Variants in TNIP1 observed in about 807,000 individuals in gnomAD.
TNIP1 encodes the protein TNFAIP3 interacting protein 1, also known as TNFAIP3-interacting protein 1.
A neutral mutation model predicts 86.6 loss-of-function variants in TNIP1; 22 were observed. The ratio of observed to expected loss-of-function variants is 0.25; its 90% CI spans 0.18 to 0.36. The LOEUF (loss-of-function observed/expected upper bound fraction) is 0.36, where lower values mean the gene tolerates loss of function less well. TNIP1 is among the 10% of genes least tolerant of loss of function. TNIP1 has a pLI of 1.00. For missense variants in TNIP1, 709 were observed against 820.6 expected (o/e 0.86, Z 1.66); for synonymous variants, 294 against 313.0 (o/e 0.94, Z 0.64).
At chr5:151,065,724 A>T (rs1278776437) in intron 1 of TNIP1, among the ~76,000 whole-genome samples, 1 of 152,188 alleles carries the variant, frequency 6.6e-6, no homozygotes, top group Non-Finnish European at 1.5e-5. Context: ...AGTTCCATTT[A>T]TATGTGTATC....
chr5:151,054,413 G>A (rs1404578472), intron 6 of TNIP1, among the ~76,000 whole-genome samples: 3 of 152,196 alleles, frequency 2.0e-5, no homozygotes, highest in Non-Finnish European at 2.9e-5. Context: ...GGGCATGGTG[G>A]CTCACACCAG....
intron 4 of TNIP1, among the ~76,000 whole-genome samples, chr5:151,061,261 G>A (rs973353786): frequency 6.6e-6 from 1 of 152,046 alleles, no homozygotes; most frequent in Non-Finnish European, 1.5e-5. Flanking sequence ...AGAGGAGTCA[G>A]TGCTCAGCTT....
At chr5:151,044,216 A>AT (rs916966974) in intron 9 of TNIP1, among the ~76,000 whole-genome samples, 1 of 151,922 alleles carries the variant, frequency 6.6e-6, no homozygotes, top group African/African-American at 2.4e-5. Context: ...CAGCTAATTT[A>AT]TTTTTTGTAG....
chr5:151,031,959 C>G, intron 17 of TNIP1: 1 of 223,554 alleles, frequency 4.5e-6, no homozygotes, highest in Non-Finnish European at 8.7e-6. Context: ...TTGAGTGCAG[C>G]CTGTTTGTGT....
intron 11 of TNIP1, among the ~76,000 whole-genome samples, chr5:151,040,593 C>A (rs1758295440): frequency 1.3e-5 from 2 of 152,182 alleles, no homozygotes; most frequent in Admixed American, 6.5e-5. Flanking sequence ...TCACCTACCA[C>A]TGTGAGCAAG....
intron 4 of TNIP1, 64 bp downstream of exon 4, chr5:151,062,063 A>G: frequency 1.4e-6 from 2 of 1,419,178 alleles, no homozygotes; most frequent in Non-Finnish European, 2.0e-6. Flanking sequence ...ATGTTCTTGT[A>G]TCTGTCAGTA....
chr5:151,067,764 A>G (rs1762401349), intron 1 of TNIP1, among the ~76,000 whole-genome samples: 1 of 152,198 alleles, frequency 6.6e-6, no homozygotes, highest in Admixed American at 6.5e-5. Flanking sequence ...TGAAGGGAAC[A>G]AGCCCTTGAC....
intron 1 of TNIP1, chr5:151,080,497 CAT>C (rs1181393439): frequency 6.6e-6 from 1 of 151,660 alleles, no homozygotes; most frequent in Non-Finnish European, 1.5e-5. Flanking sequence ...CTCCTCGTGA[CAT>C]ATGTACACTG....
intron 8 of TNIP1, among the ~76,000 whole-genome samples, chr5:151,048,354 T>C (rs1759455831): frequency 6.6e-6 from 1 of 152,136 alleles, no homozygotes; most frequent in Non-Finnish European, 1.5e-5. Flanking sequence ...TTACAAGCAT[T>C]GCATCACTGA....
At chr5:151,058,455 T>C (rs1002254130) in intron 5 of TNIP1, among the ~76,000 whole-genome samples, 3 of 152,254 alleles carry the variant, frequency 2.0e-5, no homozygotes, top group Non-Finnish European at 4.4e-5. Context: ...CCCAAGGACC[T>C]GCAGTGTTAC....
chr5:151,032,174 C>G, intron 17 of TNIP1, 113 bp downstream of exon 17: 1 of 876,590 alleles, frequency 1.1e-6, no homozygotes, highest in East Asian at 2.6e-5. Flanking sequence ...AAAGCTGGGC[C>G]TCTCCTCCAC....
At chr5:151,071,205 C>G (rs1209705559) in intron 1 of TNIP1, among the ~76,000 whole-genome samples, 2 of 152,158 alleles carry the variant, frequency 1.3e-5, no homozygotes, top group East Asian at 3.8e-4. Flanking sequence ...ATACTTGAGA[C>G]AGTGTGTATT....
Position 151,039,152 on chromosome 5 carries a change from C to T in TNIP1, c.1208G>A (p.Ser403Asn). Residue 403 changes from serine to asparagine, a missense_variant, in exon 12 of 18, where the codon AGC becomes AAC. Physicochemically the swap from Ser to Asn is conservative, Grantham distance 46. Transcript: ENST00000521591. ...QKVKYLQDQL[S>N]PLTRQREYQE... ...GTACTCACGCTGTCGGGTGAGTGGG[C>T]TCAGCTGATCCTGCAGGTACTTGAC... is the stretch of plus-strand genomic sequence containing the variant. 1 of 1,614,058 alleles carries T rather than the reference C, an allele frequency of 6.2e-7. No homozygotes were observed. The highest frequency in any genetic ancestry group is 8.5e-7 in the Non-Finnish European group (1 of 1,180,000).
intron 7 of TNIP1, 82 bp from the exon 8 acceptor site, chr5:151,050,029 A>G (rs1581796433): frequency 6.3e-7 from 1 of 1,589,682 alleles, no homozygotes; most frequent in Non-Finnish European, 8.6e-7. Context: ...TCACTATCGC[A>G]TGAGTTGCAG....
intron 4 of TNIP1, among the ~76,000 whole-genome samples, chr5:151,060,936 C>T (rs1207087191): frequency 6.6e-6 from 1 of 152,230 alleles, no homozygotes; most frequent in Non-Finnish European, 1.5e-5. Flanking sequence ...ACGGCCACCA[C>T]CAAGCATGTC....
At chr5:151,032,495 A>AT (rs1160683334) in intron 16 of TNIP1, 112 bp from the exon 17 acceptor site, 1 of 1,107,402 alleles carries the variant, frequency 9.0e-7, no homozygotes, top group African/African-American at 1.6e-5. Flanking sequence ...TTGAATCTTT[A>AT]TAACAACCCA....
intron 7 of TNIP1, among the ~76,000 whole-genome samples, chr5:151,051,114 C>T (rs1301511479): frequency 6.6e-6 from 1 of 152,184 alleles, no homozygotes; most frequent in Non-Finnish European, 1.5e-5. Flanking sequence ...GCTTCAGTTT[C>T]TGAATCCATG....
intron 1 of TNIP1, among the ~76,000 whole-genome samples, chr5:151,068,000 C>G (rs1379222236): frequency 6.6e-6 from 1 of 152,170 alleles, no homozygotes; most frequent in Non-Finnish European, 1.5e-5. Context: ...CTCAGTTTCT[C>G]TTGGCGCTGG....
chr5:151,039,194 T>C lies in TNIP1; in HGVS notation c.1166A>G (p.Lys389Arg), dbSNP rs200794785. The change falls in exon 12 of 18, where the codon AAG (lysine) becomes AGG (arginine). Residue 389 changes from lysine to arginine, a missense_variant. Physicochemically the swap from Lys to Arg is conservative, Grantham distance 26 (BLOSUM62 2). Transcript: ENST00000521591. ...GTACTTGACCTTTTGGCGCAGCTCC[T>C]TGGCCTCTGCTGTCAGCTGCTCCTT... ...TDKEQLTAEA[K>R]ELRQKVKYLQ... 40 of 1,613,546 alleles carry C rather than the reference T, an allele frequency of 2.5e-5. No individual in the cohort carries two copies. The highest frequency in any genetic ancestry group is 3.3e-5 in the Non-Finnish European group (39 of 1,179,930).
Sources: gnomAD v4.1 joint callset for allele counts (sites outside exome capture counted in the v4.1 genomes callset) on GRCh38, gnomAD v4.1.1 for gene constraint, MANE v1.5 for transcripts, NCBI Gene and HGNC (gene_info 2026-07-23, HGNC 2026-07-21) for gene names.